Variants in UBE2O observed in about 807,000 individuals in gnomAD.
UBE2O encodes the protein ubiquitin conjugating enzyme E2 O, also known as (E3-independent) E2 ubiquitin-conjugating enzyme.
A neutral mutation model predicts 125.8 loss-of-function variants in UBE2O; 15 were observed. The ratio of observed to expected loss-of-function variants is 0.12; its 90% CI spans 0.08 to 0.18. The LOEUF (loss-of-function observed/expected upper bound fraction) is 0.18, where lower values mean the gene tolerates loss of function less well. Among genes scored for constraint, UBE2O ranks in the 10% least tolerant of loss-of-function variants. UBE2O has a pLI of 1.00. For synonymous variants in UBE2O, 708 were observed against 703.2 expected, an observed-to-expected ratio of 1.01 and a Z score of -0.11; for missense variants, 1,280 against 1,723.6, an observed-to-expected ratio of 0.74 and a Z score of 4.56.
At chr17:76,421,203 G>A (rs753704538) in intron 1 of UBE2O, among the ~76,000 whole-genome samples, 5 of 152,130 alleles carry the variant, frequency 3.3e-5, no homozygotes, top group Non-Finnish European at 7.4e-5. Context: ...GAGCTCCCTA[G>A]AGCTGAGCCC....
intron 1 of UBE2O, among the ~76,000 whole-genome samples, chr17:76,421,947 G>C (rs1203292413): frequency 1.3e-5 from 2 of 152,140 alleles, no homozygotes; most frequent in Non-Finnish European, 2.9e-5. Flanking sequence ...CTCTCCAATG[G>C]ATCTGCATCC....
chr17:76,412,509 T>C (rs2072533686), intron 1 of UBE2O, among the ~76,000 whole-genome samples: 1 of 152,070 alleles, frequency 6.6e-6, no homozygotes, highest in African/African-American at 2.4e-5. Flanking sequence ...CTTCCAATTG[T>C]GCTGGGGACC....
rs977776519 is a variant in UBE2O, at chr17:76,398,375, T to C, written c.1905A>G (p.Gly635=). Reference sequence around the variant, plus strand: ...CGTAAACACTCACATCTTCCTCTTCTCCAATCAGCTGTGGCACAGGACAGG... The same window carrying C: ...CGTAAACACTCACATCTTCCTCTTCCCCAATCAGCTGTGGCACAGGACAGG... ...RPSGDDVELI[G]EEEDVSVYDI... The change falls in exon 12 of 18, where the codon GGA becomes GGG. Residue 635 remains glycine (G), a synonymous_variant. Transcript: ENST00000319380. This position sits in a 1 kb window ranked among gnomAD's most constrained non-coding sequence, Gnocchi z 5.4. 6.2e-7 allele frequency: 1 copy of C among 1,613,870 alleles called. No homozygotes were observed. The highest frequency in any genetic ancestry group is 8.5e-7 in the Non-Finnish European group (1 of 1,180,016).
intron 15 of UBE2O, among the ~76,000 whole-genome samples, chr17:76,392,390 C>T (rs1046570748): frequency 6.6e-6 from 1 of 152,012 alleles, no homozygotes; most frequent in African/African-American, 2.4e-5. Context: ...TGCAGCCTCC[C>T]AAGTAGCCGG....
intron 1 of UBE2O, among the ~76,000 whole-genome samples, chr17:76,416,726 A>C (rs948905234): frequency 6.6e-6 from 1 of 152,084 alleles, no homozygotes; most frequent in Non-Finnish European, 1.5e-5. Flanking sequence ...GTTGACCAAA[A>C]TGTCACTTCT....
chr17:76,421,555 G>C (rs1420962298), intron 1 of UBE2O, among the ~76,000 whole-genome samples: 1 of 151,992 alleles, frequency 6.6e-6, no homozygotes, highest in Non-Finnish European at 1.5e-5. Context: ...AGTAGAGATG[G>C]GGTTTCTCCA....
At chr17:76,421,107 A>T (rs1272894596) in intron 1 of UBE2O, among the ~76,000 whole-genome samples, 3 of 152,178 alleles carry the variant, frequency 2.0e-5, no homozygotes, top group Non-Finnish European at 4.4e-5. Context: ...CCATTTGCTA[A>T]GTGGGTGCAG....
At chr17:76,438,621 C>T (rs562249076) in intron 1 of UBE2O, among the ~76,000 whole-genome samples, 16 of 152,272 alleles carry the variant, frequency 1.1e-4, no homozygotes, top group Middle Eastern at 3.4e-3. Flanking sequence ...AGCTTTATTA[C>T]TGTTCTCTTA....
At chr17:76,450,707 C>T (rs1460653089) in intron 1 of UBE2O, among the ~76,000 whole-genome samples, 1 of 152,106 alleles carries the variant, frequency 6.6e-6, no homozygotes, top group African/African-American at 2.4e-5. Context: ...CCGCAACCTC[C>T]GCCTCCCTGG....
At position 76,419,710 on chromosome 17, in the gene UBE2O, C is replaced by T. The variant is rs1256563513; in HGVS notation, c.418-14138G>A. Among the ~76,000 whole-genome samples, 6 of 152,340 alleles carry T rather than the reference C, an allele frequency of 3.9e-5. No individual in the cohort carries two copies. In the East Asian group the frequency reaches 9.6e-4, roughly 24 times the overall value. ...TGTCACAGTGGCAAAGAGCAGATCCCGCCAGCACGCATCCTTGGGAACCTG... is the reference window on the plus strand; with the variant it reads ...TGTCACAGTGGCAAAGAGCAGATCCTGCCAGCACGCATCCTTGGGAACCTG... On this transcript the variant is annotated intron_variant, in intron 1 of 17. Coordinates refer to ENST00000319380, the MANE Select transcript of UBE2O (RefSeq NM_022066.4).
intron 1 of UBE2O, among the ~76,000 whole-genome samples, chr17:76,438,579 T>A (rs1167366695): frequency 4.6e-5 from 7 of 152,308 alleles, no homozygotes; most frequent in Non-Finnish European, 8.8e-5. Context: ...CCACCTCACC[T>A]TTCTCTCTAC....
rs1378037632 is a variant in UBE2O, at chr17:76,440,682, T to C, written c.417+12043A>G. 2.6e-5 allele frequency among the ~76,000 whole-genome samples: 4 copies of C among 152,234 alleles called. No individual in the cohort carries two copies. The East Asian group carries it at 7.7e-4, about 29-fold the overall frequency. The stretch of plus-strand genomic sequence containing the variant: ...ATTGTATCTCTATTTTTCAGGATCC[T>C]TCCAGAGCAGAGGTGGGAAAACTAC... On this transcript the variant is annotated intron_variant, in intron 1 of 17. Coordinates refer to ENST00000319380, the MANE Select transcript of UBE2O (RefSeq NM_022066.4).
At chr17:76,406,767 T>C (rs1170132906) in intron 1 of UBE2O, among the ~76,000 whole-genome samples, 5 of 140,452 alleles carry the variant, frequency 3.6e-5, no homozygotes, top group Non-Finnish European at 7.6e-5. Context: ...TGGCGCAGTC[T>C]CGGCTCGCTG....
intron 1 of UBE2O, among the ~76,000 whole-genome samples, chr17:76,430,217 T>A (rs2072882562): frequency 6.6e-6 from 1 of 152,234 alleles, no homozygotes; most frequent in South Asian, 2.1e-4. Context: ...TCCCATTCTG[T>A]GTCCTTGTGG....
chr17:76,452,703 GC>G lies in UBE2O; in HGVS notation c.417+21del. On this transcript the variant is annotated intron_variant, in intron 1 of 17. Transcript: ENST00000319380. This position sits in a 1 kb window ranked among gnomAD's most constrained non-coding sequence, Gnocchi z 4.4. ...CCGCCGACCCCCTGCCGCCCGCGCC[GC>G]CCAGCCCCCGCCCGCCGCACCTTGG... 1 of 1,349,164 alleles carries G rather than the reference GC, an allele frequency of 7.4e-7. No homozygotes were observed. The highest frequency in any genetic ancestry group is 1.5e-5 in the African/African-American group (1 of 65,384). 83.6% of individuals were successfully genotyped at this position (1,349,164 alleles called of 1,614,324 possible).
Position 76,391,648 on chromosome 17 carries a change from G to T in UBE2O, c.3209-35C>A, listed in dbSNP as rs547782476. The T allele has an allele frequency of 4.1e-5, 66 of 1,602,128 alleles. No homozygotes were observed. The African/African-American group carries it at 7.6e-4, about 18-fold the overall frequency. ...CGGGACACCTTCCCTCAGTGGGTGA[G>T]AGAGGCCCACAATGCAGGCCTACCC... On this transcript the variant is annotated intron_variant, in intron 17 of 17. Transcript: ENST00000319380. The surrounding 1 kb of genome is among the most constrained non-coding windows in gnomAD (Gnocchi z 8.4).
chr17:76,418,462 A>G (rs893773080), intron 1 of UBE2O, among the ~76,000 whole-genome samples: 38 of 152,340 alleles, frequency 2.5e-4, no homozygotes, highest in African/African-American at 7.7e-4. Context: ...GTGGAAGCCA[A>G]CAGTTGGAGG....
In UBE2O at chr17:76,390,957, T is replaced by C. The variant is rs775190265; in HGVS notation, c.3865A>G (p.Thr1289Ala). 22 of 1,608,494 alleles carry C rather than the reference T, an allele frequency of 1.4e-5. No homozygotes were observed. The highest frequency in any genetic ancestry group is 1.7e-4 in the Middle Eastern group (1 of 6,032). Residue 1289 changes from threonine (T) to alanine (A), a missense_variant, in exon 18 of 18, where the codon ACA becomes GCA. This residue lies in a region of UBE2O where 233 missense variants were observed against 279.0 expected (regional missense o/e 0.84). Transcript: ENST00000319380. ...ALLEAGMPEC[T>A]EDK is the part of the protein sequence containing the mutation. ...GTGCCTGGCAGCTACTTGTCCTCTG[T>C]GCACTCCGGCATGCCTGCCTCTAGC...
Position 76,400,183 on chromosome 17 carries a change from T to C in UBE2O, c.1119A>G (p.Lys373=). ...PAKIAWECPE[K]NCAQGEGSMA... is the part of the protein sequence containing the mutation. ...TAGAGCCCTCCCCCTGGGCGCAGTT[T>C]TTTTCTGGACATTCCCAGGCAATCT... Residue 373 remains lysine (K), a synonymous_variant, in exon 8 of 18, where the codon AAA becomes AAG. Transcript: ENST00000319380. This position sits in a 1 kb window ranked among gnomAD's most constrained non-coding sequence, Gnocchi z 4.3. 1 of 1,614,102 alleles carries C rather than the reference T, an allele frequency of 6.2e-7. No individual in the cohort carries two copies. Among genetic ancestry groups the C allele is most frequent in the South Asian group, 1.1e-5 (1 of 91,086 alleles).
Sources: allele counts gnomAD v4.1 joint callset (sites outside exome capture counted in the v4.1 genomes callset), GRCh38; gene constraint gnomAD v4.1.1; regional missense constraint gnomAD v4.1.1; non-coding constraint Gnocchi (gnomAD v3.1); transcripts MANE v1.5; gene names NCBI Gene and HGNC (gene_info 2026-07-23, HGNC 2026-07-21).